Variants in PLEKHM3 observed in about 807,000 individuals in gnomAD.
The protein encoded by PLEKHM3 is pleckstrin homology domain containing M3.
A neutral mutation model predicts 81.8 loss-of-function variants in PLEKHM3; 45 were observed. The observed-to-expected ratio is 0.55, with a 90% CI of 0.43 to 0.71. PLEKHM3 has a LOEUF of 0.71. Ranked by LOEUF, PLEKHM3 falls within the 30% of genes least tolerant of loss-of-function variation. PLEKHM3 has a pLI of 0.00. For synonymous variants in PLEKHM3, 352 were observed against 356.4 expected, an observed-to-expected ratio of 0.99 and a Z score of 0.14; for missense variants, 788 against 924.3, an observed-to-expected ratio of 0.85 and a Z score of 1.91.
chr2:207,939,866 T>A (rs1057475767), intron 4 of PLEKHM3, among the ~76,000 whole-genome samples: 1 of 152,184 alleles, frequency 6.6e-6, no homozygotes, highest in Non-Finnish European at 1.5e-5. Context: ...GTGGAGAGCA[T>A]GGCCTCAGGA....
At chr2:207,994,966 C>T (rs1692022045) in intron 2 of PLEKHM3, among the ~76,000 whole-genome samples, 1 of 152,132 alleles carries the variant, frequency 6.6e-6, no homozygotes, top group East Asian at 1.9e-4. Context: ...GGGCCAAACA[C>T]GTGTATACCT....
At chr2:207,985,627 A>C (rs2100349) in intron 2 of PLEKHM3, among the ~76,000 whole-genome samples, 5 of 151,840 alleles carry the variant, frequency 3.3e-5, no homozygotes, top group African/African-American at 1.2e-4. Flanking sequence ...GTTAGCATAT[A>C]TAATTATTGA....
intron 6 of PLEKHM3, among the ~76,000 whole-genome samples, chr2:207,879,372 T>C (rs1013459836): frequency 1.3e-5 from 2 of 152,236 alleles, no homozygotes; most frequent in African/African-American, 4.8e-5. Context: ...TGCGTCCTCT[T>C]GCTCTACTGC....
intron 5 of PLEKHM3, among the ~76,000 whole-genome samples, chr2:207,928,597 A>G (rs1689484889): frequency 6.6e-6 from 1 of 152,260 alleles, no homozygotes; most frequent in Non-Finnish European, 1.5e-5. Context: ...GAGCAAAGTA[A>G]TAATTTTTGC....
rs570235681 is a variant in PLEKHM3 at position 208,020,238 on chromosome 2, G to C, written c.-319+5151C>G. Reference sequence around the variant, plus strand: ...CTGGTTACACTAGTCAGGAGAACTGGATAAGTAAATCTCTACCATGGTCAT... The same window carrying C: ...CTGGTTACACTAGTCAGGAGAACTGCATAAGTAAATCTCTACCATGGTCAT... On this transcript the variant is annotated intron_variant, in intron 1 of 7. Transcript: ENST00000427836. Among the ~76,000 whole-genome samples the C allele has an allele frequency of 7.7e-4, 118 of 152,344 alleles. 1 individual carries two copies. Among genetic ancestry groups the C allele is most frequent in the African/African-American group, 2.5e-3 (103 of 41,568 alleles).
intron 3 of PLEKHM3, among the ~76,000 whole-genome samples, chr2:207,948,603 G>C (rs1178824763): frequency 4.0e-5 from 6 of 150,594 alleles, no homozygotes. Context: ...GAGTGCGGTG[G>C]CGCGATTTCG....
At chr2:207,912,703 G>A (rs1423456094) in intron 5 of PLEKHM3, among the ~76,000 whole-genome samples, 4 of 152,196 alleles carry the variant, frequency 2.6e-5, no homozygotes, top group African/African-American at 9.7e-5. Flanking sequence ...ATCTCTTATA[G>A]TAATGCTTTT....
At chr2:207,916,000 G>A (rs1688980911) in intron 5 of PLEKHM3, among the ~76,000 whole-genome samples, 1 of 152,182 alleles carries the variant, frequency 6.6e-6, no homozygotes, top group African/African-American at 2.4e-5. Flanking sequence ...ACATTAGGCT[G>A]GACGTGGACA....
chr2:207,859,122 C>T (rs886874214), intron 7 of PLEKHM3, among the ~76,000 whole-genome samples: 13 of 144,298 alleles, frequency 9.0e-5, no homozygotes, highest in East Asian at 2.0e-4. Flanking sequence ...TGTATCAGTA[C>T]GTTTTTTCTT....
intron 2 of PLEKHM3, among the ~76,000 whole-genome samples, chr2:207,987,069 T>C: frequency 6.6e-6 from 1 of 152,184 alleles, no homozygotes; most frequent in East Asian, 1.9e-4. Context: ...TGTCTTCACT[T>C]ATGGCCAATA....
At chr2:207,900,593 C>A (rs551418554) in intron 6 of PLEKHM3, 2 of 152,280 alleles carry the variant, frequency 1.3e-5, no homozygotes, top group Non-Finnish European at 2.9e-5. Flanking sequence ...TCCCCAAGTA[C>A]CCTAGGTTCA....
chr2:207,957,244 C>T (rs1329449670), intron 3 of PLEKHM3, among the ~76,000 whole-genome samples: 4 of 152,158 alleles, frequency 2.6e-5, no homozygotes, highest in South Asian at 4.1e-4. Flanking sequence ...TAAGAATAAT[C>T]CCCCTTATTG....
chr2:207,995,836 T>G (rs181376284), intron 2 of PLEKHM3, among the ~76,000 whole-genome samples: 15 of 152,370 alleles, frequency 9.8e-5, no homozygotes, highest in Non-Finnish European at 1.8e-4. Flanking sequence ...ATCTGGTTCA[T>G]GTATTCTTCT....
chr2:207,887,538 G>C (rs1001037958), intron 6 of PLEKHM3, among the ~76,000 whole-genome samples: 1 of 152,162 alleles, frequency 6.6e-6, no homozygotes, highest in African/African-American at 2.4e-5. Flanking sequence ...ATTAACATAG[G>C]ATTTAATTGT....
chr2:207,961,525 A>AT (rs1257373586), intron 3 of PLEKHM3, among the ~76,000 whole-genome samples: 2 of 151,926 alleles, frequency 1.3e-5, no homozygotes, highest in East Asian at 1.9e-4. Context: ...TAAGTACGAC[A>AT]TTTTTTTTCA....
At chr2:207,924,855 C>T (rs901759224) in intron 5 of PLEKHM3, among the ~76,000 whole-genome samples, 4 of 151,978 alleles carry the variant, frequency 2.6e-5, no homozygotes, top group Non-Finnish European at 5.9e-5. Context: ...CATTAGGGAG[C>T]TGGAGGATGT....
At chr2:207,964,753 C>T (rs1311368013) in intron 3 of PLEKHM3, among the ~76,000 whole-genome samples, 1 of 152,084 alleles carries the variant, frequency 6.6e-6, no homozygotes, top group Non-Finnish European at 1.5e-5. Flanking sequence ...GTTTCACGCT[C>T]TTTGGGTTTT....
At chr2:207,885,277 T>C (rs1483324877) in intron 6 of PLEKHM3, among the ~76,000 whole-genome samples, 1 of 152,250 alleles carries the variant, frequency 6.6e-6, no homozygotes, top group African/African-American at 2.4e-5. Context: ...AGATCTTCCC[T>C]GACTAACTCA....
intron 3 of PLEKHM3, among the ~76,000 whole-genome samples, chr2:207,950,599 G>A (rs1165139274): frequency 1.3e-5 from 2 of 151,988 alleles, no homozygotes; most frequent in African/African-American, 2.4e-5. Context: ...CAACCCACAC[G>A]CGGGACGTTG....
Sources: gnomAD v4.1 joint callset for allele counts (sites outside exome capture counted in the v4.1 genomes callset) on GRCh38, gnomAD v4.1.1 for gene constraint, MANE v1.5 for transcripts, NCBI Gene and HGNC (gene_info 2026-07-23, HGNC 2026-07-21) for gene names.